The following SMC2 variants were observed in gnomAD, a reference collection of about 807,000 sequenced individuals.
SMC2 encodes the protein structural maintenance of chromosomes 2, also known as structural maintenance of chromosomes protein 2.
In SMC2, 41 loss-of-function variants were observed where a neutral mutation model predicts 142.6. That is an observed-to-expected ratio of 0.29 (90% CI 0.22 to 0.37). SMC2 has a LOEUF of 0.37. SMC2 is among the 10% of genes least tolerant of loss of function. The pLI is 1.00. For synonymous variants in SMC2, 463 were observed against 457.5 expected (o/e 1.01, Z -0.15); for missense variants, 1,265 against 1,373.7 (o/e 0.92, Z 1.25).
chr9:104,124,907 T>TG lies in SMC2; in HGVS notation c.2258-4dup. On this transcript the variant is annotated splice_polypyrimidine_tract_variant and splice_region_variant and intron_variant, in intron 17 of 24. Coordinates refer to ENST00000374793, the MANE Select transcript of SMC2 (RefSeq NM_006444.3). ...TTAGCCACATTTGCTTACTTTGTGATGCAGAGGAAAGTGAGGAGACTTTGA... is the reference window on the plus strand; with the variant it reads ...TTAGCCACATTTGCTTACTTTGTGATGGCAGAGGAAAGTGAGGAGACTTTGA... 6.3e-7 allele frequency: 1 copy of TG among 1,577,184 alleles called. No individual in the cohort carries two copies. The highest frequency in any genetic ancestry group is 2.1e-4 in the Middle Eastern group (1 of 4,668).
Position 104,094,441 on chromosome 9 carries a change from C to T in SMC2, c.-98C>T. On this transcript the variant is annotated 5_prime_UTR_variant, in exon 1 of 25. Transcript: ENST00000374793. ...TCCCTGCCTTTGTGACCCGGAGGAG[C>T]TTTTGGGGTGCGTCAAGCCCCTGGC... is the stretch of plus-strand genomic sequence containing the variant. 1 of 392,426 alleles carries T rather than the reference C, an allele frequency of 2.5e-6. No homozygotes were observed. Among genetic ancestry groups the T allele is most frequent in the Admixed American group, 4.4e-5 (1 of 22,496 alleles). 24.3% of individuals were successfully genotyped at this position (392,426 alleles called of 1,614,324 possible). A position where few individuals can be genotyped will look rare whatever the true frequency, so the allele number is the denominator to read the frequency against.
intron 19 of SMC2, 69 bp downstream of exon 19, chr9:104,126,853 GTTTGAC>G: frequency 1.4e-6 from 2 of 1,426,190 alleles, no homozygotes; most frequent in Admixed American, 4.1e-5. Context: ...AGCTTAAGAT[GTTTGAC>G]TTTAGTGTTC....
In SMC2 at chr9:104,099,648, G is replaced by T; in HGVS notation, c.446G>T (p.Arg149Leu). 6.4e-7 allele frequency: 1 copy of T among 1,569,998 alleles called. No individual in the cohort carries two copies. Among genetic ancestry groups the T allele is most frequent in the Non-Finnish European group, 8.8e-7 (1 of 1,141,218 alleles). ...NNPHFLIMQG[R>L]ITKVLNMKPP... ...AGTTTGCTATTTTATTTTCAGGGCC[G>T]AATTACAAAAGTATTGAATATGAAA... The change falls in exon 5 of 25, where the codon CGA becomes CTA. Residue 149 changes from arginine to leucine, a missense_variant. This residue lies in a region of SMC2 where 168 missense variants were observed against 184.8 expected (regional missense o/e 0.91). Coordinates refer to ENST00000374793, the MANE Select transcript of SMC2 (RefSeq NM_006444.3).
chr9:104,113,907 A>C, intron 11 of SMC2, 57 bp from the exon 12 acceptor site: 1 of 1,083,148 alleles, frequency 9.2e-7, no homozygotes, highest in Non-Finnish European at 1.3e-6. Flanking sequence ...ATTTTCCTTA[A>C]AACAGTAGAG....
rs1156655599 is a variant in SMC2, at chr9:104,116,433, C to CA, written c.1791+121dup. ...TATGCAGAACCACAAAATTAAAATA[C>CA]AAAAAAATTGGGTTGGCTTGTGCAA... On this transcript the variant is annotated intron_variant, in intron 14 of 24. Transcript: ENST00000374793. 7 of 1,031,678 alleles carry CA rather than the reference C, an allele frequency of 6.8e-6. No individual in the cohort carries two copies. In the East Asian group the frequency reaches 9.1e-5, roughly 13 times the overall value. 63.9% of individuals were successfully genotyped at this position (1,031,678 alleles called of 1,614,324 possible).
intron 9 of SMC2, 66 bp downstream of exon 9, chr9:104,102,639 T>G: frequency 7.0e-7 from 1 of 1,437,500 alleles, no homozygotes; most frequent in Non-Finnish European, 9.3e-7. Flanking sequence ...TAGTGTACAT[T>G]TATCTATTCC....
chr9:104,138,210 ATT>A, intron 24 of SMC2, 45 bp downstream of exon 24: 1 of 1,467,066 alleles, frequency 6.8e-7, no homozygotes, highest in Non-Finnish European at 9.2e-7. Context: ...TAATTAGACT[ATT>A]TTTCTAAAAC....
intron 9 of SMC2, among the ~76,000 whole-genome samples, chr9:104,105,490 A>G (rs1831652901): frequency 6.6e-6 from 1 of 152,152 alleles, no homozygotes; most frequent in Non-Finnish European, 1.5e-5. Context: ...TTTGCCAGCT[A>G]AATCTCGTTA....
rs749214431 is a variant in SMC2, at chr9:104,102,114, A to G, written c.791A>G (p.Gln264Arg). 1 of 1,602,362 alleles carries G rather than the reference A, an allele frequency of 6.2e-7. No individual in the cohort carries two copies. Among genetic ancestry groups the G allele is most frequent in the African/African-American group, 1.3e-5 (1 of 74,674 alleles). ...ATGCAAGATAAAGTTATAAAGCTTC[A>G]GGAAGAATTGTCTGAGAATGATAAA... is the stretch of plus-strand genomic sequence containing the variant. The part of the protein sequence containing the change: ...KEMQDKVIKL[Q>R]EELSENDKKI... Residue 264 changes from glutamine (Q) to arginine (R), a missense_variant, in exon 8 of 25, where the codon CAG (glutamine) becomes CGG (arginine). Physicochemically the swap from Gln to Arg is conservative, Grantham distance 43 (BLOSUM62 1). Transcript: ENST00000374793.
chr9:104,088,702 T>C, the SMC2 span, among the ~76,000 whole-genome samples: 6 of 152,346 alleles, frequency 3.9e-5, no homozygotes, highest in South Asian at 8.3e-4. Context: ...ATTTATCTTC[T>C]GTGCCATTGA....
intron 22 of SMC2, among the ~76,000 whole-genome samples, 153 bp from the exon 23 acceptor site, chr9:104,134,262 A>G (rs1382972105): frequency 6.6e-6 from 1 of 152,186 alleles, no homozygotes; most frequent in Non-Finnish European, 1.5e-5. Flanking sequence ...ATGAATGAGC[A>G]TATCCAGATT....
the SMC2 span, among the ~76,000 whole-genome samples, chr9:104,089,070 C>A: frequency 6.6e-6 from 1 of 151,926 alleles, no homozygotes; most frequent in African/African-American, 2.4e-5. Context: ...AAAGGTCAGC[C>A]AGGCCACCTT....
At chr9:104,099,392 G>C (rs1283108319) in intron 4 of SMC2, among the ~76,000 whole-genome samples, 1 of 151,876 alleles carries the variant, frequency 6.6e-6, no homozygotes, top group African/African-American at 2.4e-5. Context: ...CATGATCCTT[G>C]TTAACTTTGT....
chr9:104,113,609 T>C (rs1243296307), intron 11 of SMC2, 134 bp downstream of exon 11: 3 of 663,572 alleles, frequency 4.5e-6, no homozygotes, highest in Non-Finnish European at 7.0e-6. Context: ...TAAGAAGTGT[T>C]GTAAATATCG....
intron 22 of SMC2, among the ~76,000 whole-genome samples, chr9:104,134,070 G>A (rs10991116): frequency 0.066 from 9,996 of 152,096 alleles, 379 homozygotes; most frequent in East Asian, 0.16. Flanking sequence ...CTACAAAAGT[G>A]TCAAAACTTT....
In SMC2 at chr9:104,134,495, T is replaced by C. The variant is rs1253037631; in HGVS notation, c.3189T>C (p.Thr1063=). The change falls in exon 23 of 25, where the codon ACT becomes ACC. Residue 1063 remains threonine (T), a synonymous_variant. Transcript: ENST00000374793. ...TGCTTGCACCACCAGAGGGTCAAACTGTTTTGGATGGTCTGGAGTTCAAGG... is the reference window on the plus strand; with the variant it reads ...TGCTTGCACCACCAGAGGGTCAAACCGTTTTGGATGGTCTGGAGTTCAAGG... ...NAMLAPPEGQ[T]VLDGLEFKVA... The C allele has an allele frequency of 1.9e-6, 3 of 1,612,906 alleles. No individual in the cohort carries two copies. The highest frequency in any genetic ancestry group is 2.2e-5 in the South Asian group (2 of 90,982).
chr9:104,119,916 A>T, intron 15 of SMC2, 111 bp from the exon 16 acceptor site: 1 of 1,054,402 alleles, frequency 9.5e-7, no homozygotes, highest in Non-Finnish European at 1.4e-6. Context: ...TAAGCTCATT[A>T]AAATATTTAC....
intron 3 of SMC2, 93 bp from the exon 4 acceptor site, chr9:104,098,349 TCAGA>T: frequency 3.8e-6 from 4 of 1,049,052 alleles, no homozygotes; most frequent in South Asian, 3.8e-5. Flanking sequence ...TTACTGCTAG[TCAGA>T]CAGAACAAAT....
intron 23 of SMC2, among the ~76,000 whole-genome samples, chr9:104,135,530 G>A (rs1835434538): frequency 6.6e-6 from 1 of 152,116 alleles, no homozygotes; most frequent in African/African-American, 2.4e-5. Flanking sequence ...AGAAATCATG[G>A]CACCATGTTT....
Sources: gnomAD v4.1 joint callset for allele counts (sites outside exome capture counted in the v4.1 genomes callset) on GRCh38, gnomAD v4.1.1 for gene constraint, gnomAD v4.1.1 regional missense constraint, MANE v1.5 for transcripts, NCBI Gene and HGNC (gene_info 2026-07-23, HGNC 2026-07-21) for gene names.